FBXO15: variants seen among roughly 807,000 people sequenced by gnomAD.
FBXO15 encodes F-box only protein 15.
Under a neutral mutation model 49.5 loss-of-function variants are expected in FBXO15, and 30 were observed. The ratio of observed to expected loss-of-function variants is 0.61; its 90% confidence interval spans 0.45 to 0.82. The LOEUF (loss-of-function observed/expected upper bound fraction) is 0.82, where lower values mean the gene tolerates loss of function less well. Ranked by LOEUF, FBXO15 falls within the 40% of genes least tolerant of loss-of-function variation. FBXO15 has a pLI of 0.00. For synonymous variants in FBXO15, 250 were observed against 232.7 expected (o/e 1.07, Z -0.68); for missense variants, 591 against 631.5 (o/e 0.94, Z 0.69).
chr18:74,089,651 G>C (rs775952821), intron 8 of FBXO15, among the ~76,000 whole-genome samples: 1 of 152,164 alleles, frequency 6.6e-6, no homozygotes, highest in Non-Finnish European at 1.5e-5. Context: ...TTTATCAAAA[G>C]CTTTTTCTGC....
At chr18:74,093,109 A>G (rs1295681867) in intron 8 of FBXO15, among the ~76,000 whole-genome samples, 2 of 152,118 alleles carry the variant, frequency 1.3e-5, no homozygotes, top group African/African-American at 4.8e-5. Context: ...GTCCATGCAC[A>G]TGTTTGTGCC....
intron 8 of FBXO15, among the ~76,000 whole-genome samples, chr18:74,109,762 A>C (rs1913925966): frequency 6.6e-6 from 1 of 151,390 alleles, no homozygotes; most frequent in Non-Finnish European, 1.5e-5. Context: ...TCTCACTCGT[A>C]GGTGGGAGTT....
At chr18:74,101,278 A>G (rs1913507628) in intron 8 of FBXO15, among the ~76,000 whole-genome samples, 2 of 152,184 alleles carry the variant, frequency 1.3e-5, no homozygotes, top group African/African-American at 4.8e-5. Flanking sequence ...AATGTGATAC[A>G]CCACATAAAC....
rs368761496 is a variant in FBXO15, at chr18:74,124,817, C to A, written c.913-246G>T. ...TGCAGAGCACACAGGACCAAAAGAA[C>A]TCACAGCCTAGAGCTTGTGAAATAT... On this transcript the variant is annotated intron_variant, in intron 6 of 9. Transcript: ENST00000419743. 2.0e-5 allele frequency among the ~76,000 whole-genome samples: 3 copies of A among 152,206 alleles called. No homozygotes were observed. In the South Asian group the frequency reaches 6.2e-4, roughly 32 times the overall value.
intron 8 of FBXO15, among the ~76,000 whole-genome samples, chr18:74,112,755 A>C (rs555181190): frequency 1.3e-5 from 2 of 152,354 alleles, no homozygotes; most frequent in African/African-American, 4.8e-5. Flanking sequence ...TCTTGGTAGA[A>C]AATCCAAAAG....
At chr18:74,084,811 A>G (rs997775426) in intron 8 of FBXO15, among the ~76,000 whole-genome samples, 1 of 152,164 alleles carries the variant, frequency 6.6e-6, no homozygotes, top group East Asian at 1.9e-4. Context: ...ACCACGGTCA[A>G]GTTCCGAACT....
intron 8 of FBXO15, among the ~76,000 whole-genome samples, chr18:74,109,885 G>A (rs533929849): frequency 1.9e-4 from 29 of 152,082 alleles, no homozygotes; most frequent in Admixed American, 1.1e-3. Context: ...TGTAGATGAC[G>A]AGTTGATGAG....
chr18:74,134,103 T>C (rs1237842765), intron 3 of FBXO15, among the ~76,000 whole-genome samples: 2 of 152,228 alleles, frequency 1.3e-5, no homozygotes, highest in Admixed American at 1.3e-4. Flanking sequence ...TATGTGTGTG[T>C]TTGTGTGTGT....
At chr18:74,118,839 A>G (rs1914354994) in intron 8 of FBXO15, among the ~76,000 whole-genome samples, 1 of 152,218 alleles carries the variant, frequency 6.6e-6, no homozygotes, top group Non-Finnish European at 1.5e-5. Context: ...AAAAGTAGAA[A>G]GTACTCTGCC....
chr18:74,119,278 T>C (rs1914372753), intron 8 of FBXO15, among the ~76,000 whole-genome samples: 1 of 152,164 alleles, frequency 6.6e-6, no homozygotes, highest in Non-Finnish European at 1.5e-5. Context: ...CAGAAAGAGC[T>C]TTAAGATAAC....
chr18:74,120,482 C>T (rs1341840833), intron 8 of FBXO15, among the ~76,000 whole-genome samples: 1 of 152,092 alleles, frequency 6.6e-6, no homozygotes, highest in Admixed American at 6.5e-5. Flanking sequence ...ATTTCCTGAC[C>T]ACAATTGAGT....
At chr18:74,073,773 A>C in intron 9 of FBXO15, 43 bp from the exon 10 acceptor site, 1 of 1,556,672 alleles carries the variant, frequency 6.4e-7, no homozygotes, top group Non-Finnish European at 8.7e-7. Flanking sequence ...AAGGCCAATC[A>C]GACCTGATTT....
intron 2 of FBXO15, among the ~76,000 whole-genome samples, chr18:74,138,842 T>C (rs2145221423): frequency 6.6e-6 from 1 of 152,310 alleles, no homozygotes; most frequent in Middle Eastern, 3.4e-3. Flanking sequence ...CCTACATTAA[T>C]TCATAAATGA....
chr18:74,096,005 C>T (rs944498430), intron 8 of FBXO15, among the ~76,000 whole-genome samples: 3 of 152,072 alleles, frequency 2.0e-5, no homozygotes, highest in African/African-American at 7.2e-5. Flanking sequence ...CTGTGACACC[C>T]CTCCCCCGAT....
At chr18:74,107,008 G>C (rs949834181) in intron 8 of FBXO15, among the ~76,000 whole-genome samples, 12 of 152,152 alleles carry the variant, frequency 7.9e-5, no homozygotes, top group African/African-American at 2.9e-4. Flanking sequence ...TATAAACAGA[G>C]CTATATATGT....
At chr18:74,103,870 C>T (rs1913632560) in intron 8 of FBXO15, among the ~76,000 whole-genome samples, 1 of 152,052 alleles carries the variant, frequency 6.6e-6, no homozygotes, top group Non-Finnish European at 1.5e-5. Flanking sequence ...ATAAGAAATG[C>T]TAAAAGGAGT....
Position 74,147,308 on chromosome 18 carries a change from G to C in FBXO15, c.116+362C>G, listed in dbSNP as rs535680521. Among the ~76,000 whole-genome samples the C allele has an allele frequency of 3.9e-5, 6 of 152,192 alleles. No homozygotes were observed. The East Asian group carries it at 1.2e-3, about 29-fold the overall frequency. On this transcript the variant is annotated intron_variant, in intron 1 of 9. Transcript: ENST00000419743. ...ATGAAAAACACGAAGGGAGATTCTT[G>C]GTTACAGAAGAGCGAAAATACGAAG...
chr18:74,084,547 G>A (rs1912653859), intron 8 of FBXO15, among the ~76,000 whole-genome samples: 1 of 152,218 alleles, frequency 6.6e-6, no homozygotes, highest in African/African-American at 2.4e-5. Flanking sequence ...CACAGAGTGT[G>A]GCTCTCCTAG....
intron 8 of FBXO15, among the ~76,000 whole-genome samples, chr18:74,100,506 C>T (rs1913468622): frequency 6.6e-6 from 1 of 151,362 alleles, no homozygotes. Flanking sequence ...CCTCAAGGAA[C>T]TAGAGAAAAA....
Sources: allele counts gnomAD v4.1 joint callset (sites outside exome capture counted in the v4.1 genomes callset), GRCh38; gene constraint gnomAD v4.1.1; transcripts MANE v1.5; gene names NCBI Gene and HGNC (gene_info 2026-07-23, HGNC 2026-07-21).